MYOM2: variants seen among roughly 807,000 people sequenced by gnomAD.
MYOM2 encodes the protein myomesin-2.
In MYOM2, 254 loss-of-function variants were observed where a neutral mutation model predicts 187.6. The ratio of observed to expected loss-of-function variants is 1.35; its 90% CI spans 1.22 to 1.50. The LOEUF (loss-of-function observed/expected upper bound fraction) is 1.50, where lower values mean the gene tolerates loss of function less well. MYOM2 is among the 40% of genes most tolerant of loss of function. MYOM2 has a pLI of 0.00. For missense variants in MYOM2, 2,796 were observed against 1,924.0 expected (o/e 1.45, Z -8.48); for synonymous variants, 981 against 753.8 (o/e 1.30, Z -4.94).
Position 2,057,414 on chromosome 8 carries a change from C to T in MYOM2, c.330C>T (p.His110=). Residue 110 remains histidine, a synonymous_variant, in exon 4 of 37, where the codon CAC becomes CAT. Coordinates refer to ENST00000262113, the MANE Select transcript of MYOM2 (RefSeq NM_003970.4). ...AGCGCTTCCTCAGCGAGCTGGCCCA[C>T]TTGGAGGAGGATGTCCACCTGGCAC... ...KRQRFLSELA[H]LEEDVHLARS... The T allele has an allele frequency of 2.5e-6, 4 of 1,614,018 alleles. No individual in the cohort carries two copies. Among genetic ancestry groups the T allele is most frequent in the Non-Finnish European group, 2.5e-6 (3 of 1,179,990 alleles).
At position 2,064,226 on chromosome 8, in the gene MYOM2, A is replaced by G. The variant is rs978976180; in HGVS notation, c.653+4981A>G. Among the ~76,000 whole-genome samples the G allele has an allele frequency of 4.6e-5, 7 of 152,288 alleles. No individual in the cohort carries two copies. The South Asian group carries it at 6.2e-4, about 14-fold the overall frequency. Reference sequence around the variant, plus strand: ...GGGGCAAACCCTGGGAGGCAGGGCAAGGGTGCCCTTACCTCCCTCCCAGGG... The same window carrying G: ...GGGGCAAACCCTGGGAGGCAGGGCAGGGGTGCCCTTACCTCCCTCCCAGGG... On this transcript the variant is annotated intron_variant, in intron 6 of 36. Coordinates refer to ENST00000262113, the MANE Select transcript of MYOM2 (RefSeq NM_003970.4).
At chr8:2,131,224 A>T (rs1006862590) in intron 32 of MYOM2, among the ~76,000 whole-genome samples, 1 of 152,192 alleles carries the variant, frequency 6.6e-6, no homozygotes. Flanking sequence ...TTTGTGTTAC[A>T]CGTTCAACAC....
chr8:2,072,300 G>A, intron 8 of MYOM2, 45 bp from the exon 9 acceptor site: 1 of 1,551,058 alleles, frequency 6.4e-7, no homozygotes, highest in East Asian at 2.4e-5. Flanking sequence ...ATCGTTTCAT[G>A]CTCTCTGCCC....
chr8:2,050,262 G>C (rs756025603), intron 1 of MYOM2, among the ~76,000 whole-genome samples: 2 of 152,028 alleles, frequency 1.3e-5, no homozygotes, highest in African/African-American at 2.4e-5. Context: ...CCTGTCCACC[G>C]AGCCTCCTCT....
intron 4 of MYOM2, 27 bp downstream of exon 4, chr8:2,057,513 G>A: frequency 1.2e-6 from 2 of 1,613,738 alleles, no homozygotes; most frequent in Non-Finnish European, 1.7e-6. Flanking sequence ...GTGGCTGGGT[G>A]TCTGGGAAGC....
chr8:2,096,159 C>A, intron 17 of MYOM2, 88 bp from the exon 18 acceptor site: 1 of 1,344,920 alleles, frequency 7.4e-7, no homozygotes, highest in Non-Finnish European at 1.0e-6. Context: ...TTGCTTCCTC[C>A]TCCCTCTGCC....
chr8:2,102,639 C>T (rs769561716), intron 20 of MYOM2, 28 bp from the exon 21 acceptor site: 38 of 1,490,344 alleles, frequency 2.5e-5, no homozygotes, highest in Admixed American at 1.4e-4. Context: ...TACCTCCACA[C>T]ATCTGGTGTT....
intron 15 of MYOM2, among the ~76,000 whole-genome samples, chr8:2,090,792 C>A (rs141101869): frequency 6.6e-6 from 1 of 152,168 alleles, no homozygotes. Flanking sequence ...CTGCAAAGGA[C>A]GTGGTCTTGT....
In MYOM2 at chr8:2,140,898, C is replaced by A. The variant is rs1798252366; in HGVS notation, c.3964+12C>A. The A allele has an allele frequency of 2.5e-6, 4 of 1,591,512 alleles. No individual in the cohort carries two copies. The highest frequency in any genetic ancestry group is 3.4e-6 in the Non-Finnish European group (4 of 1,167,294). ...CCTGTCCGGACAAGGTAAGAGAATT[C>A]TTCTTTAGCATTTAATAATTTCCTA... On this transcript the variant is annotated intron_variant, in intron 33 of 36. Transcript: ENST00000262113.
At chr8:2,119,799 A>T (rs772658033) in intron 28 of MYOM2, among the ~76,000 whole-genome samples, 4 of 151,932 alleles carry the variant, frequency 2.6e-5, no homozygotes, top group Non-Finnish European at 5.9e-5. Context: ...GCTGGCCTGG[A>T]GGGAGATGAG....
At position 2,069,341 on chromosome 8, in the gene MYOM2, C is replaced by T. The variant is rs780409958; in HGVS notation, c.717C>T (p.Ser239=). Residue 239 remains serine, a synonymous_variant, in exon 7 of 37, where the codon TCC becomes TCT. Coordinates refer to ENST00000262113, the MANE Select transcript of MYOM2 (RefSeq NM_003970.4). ...CCACCAATGCCCACGGACAAGTGTC[C>T]ACCAACGCGGCGGTGGTGGTGAGAA... ...AVATNAHGQV[S]TNAAVVVRRF... is the part of the protein sequence containing the mutation. 18 of 1,613,880 alleles carry T rather than the reference C, an allele frequency of 1.1e-5. No homozygotes were observed. Among genetic ancestry groups the T allele is most frequent in the East Asian group, 4.5e-5 (2 of 44,888 alleles).
At position 2,047,835 on chromosome 8, in the gene MYOM2, C is replaced by T. The variant is rs999282096; in HGVS notation, c.-13+2667C>T. Among the ~76,000 whole-genome samples, 47 of 152,182 alleles carry T rather than the reference C, an allele frequency of 3.1e-4. 1 individual carries two copies. The highest frequency in any genetic ancestry group is 3.2e-4 in the Non-Finnish European group (22 of 68,040). The stretch of plus-strand genomic sequence containing the variant: ...TTGCTAAGCACTACAAAGTGTAGCC[C>T]CTCACACATGAAGTGTTTGAAGACT... On this transcript the variant is annotated intron_variant, in intron 1 of 36. Coordinates refer to ENST00000262113, the MANE Select transcript of MYOM2 (RefSeq NM_003970.4).
intron 32 of MYOM2, among the ~76,000 whole-genome samples, chr8:2,133,276 C>G (rs1367596106): frequency 1.3e-5 from 2 of 152,194 alleles, no homozygotes; most frequent in Non-Finnish European, 2.9e-5. Context: ...CAAATATTTC[C>G]TAGCTTTTGG....
intron 27 of MYOM2, among the ~76,000 whole-genome samples, chr8:2,117,092 T>A (rs1797274623): frequency 6.6e-6 from 1 of 152,238 alleles, no homozygotes; most frequent in South Asian, 2.1e-4. Context: ...ATGGGATTTC[T>A]GAACTTCTTG....
rs1357621626 is a variant in MYOM2, at chr8:2,116,283, T to C, written c.3385+8T>C. The C allele has an allele frequency of 3.7e-6, 6 of 1,611,506 alleles. No individual in the cohort carries two copies. Among genetic ancestry groups the C allele is most frequent in the Admixed American group, 3.3e-5 (2 of 59,806 alleles). ...AATTTCTCAGGAAACAAGGTGAGTT[T>C]CCTCACTCTGACCGGCTCCCCTGCC... On this transcript the variant is annotated splice_region_variant and intron_variant, in intron 27 of 36. Coordinates refer to ENST00000262113, the MANE Select transcript of MYOM2 (RefSeq NM_003970.4).
At chr8:2,096,186 C>T in intron 17 of MYOM2, 61 bp from the exon 18 acceptor site, 1 of 1,534,380 alleles carries the variant, frequency 6.5e-7, no homozygotes, top group Non-Finnish European at 8.9e-7. Context: ...GAGCTGGCTG[C>T]CCCGGGGACA....
In MYOM2 at chr8:2,098,584, C is replaced by G. The variant is rs140632522; in HGVS notation, c.2314-273C>G. On this transcript the variant is annotated intron_variant, in intron 18 of 36. Coordinates refer to ENST00000262113, the MANE Select transcript of MYOM2 (RefSeq NM_003970.4). ...TTCCTTACCTGCCGCTGGGGTATCA[C>G]CTGTCCCCTACCCCCGCAGGAGTGG... 2.6e-5 allele frequency among the ~76,000 whole-genome samples: 4 copies of G among 152,294 alleles called. No individual in the cohort carries two copies. The East Asian group carries it at 7.7e-4, about 29-fold the overall frequency.
chr8:2,120,665 TATATATATATTATATTATATATAA>T (rs1366251695), intron 28 of MYOM2, among the ~76,000 whole-genome samples: 200 of 5,400 alleles, frequency 0.037, 37 homozygotes, highest in Admixed American at 0.047. Flanking sequence ...CCTGTATATA[TATATATATATTATATTATATATAA>T]ATATATAATA....
intron 32 of MYOM2, among the ~76,000 whole-genome samples, chr8:2,134,488 G>C (rs983111900): frequency 6.7e-6 from 1 of 149,022 alleles, no homozygotes; most frequent in African/African-American, 2.6e-5. Context: ...TTCAGGACTT[G>C]GCAAGTCTCT....
Sources: allele counts gnomAD v4.1 joint callset (sites outside exome capture counted in the v4.1 genomes callset), GRCh38; gene constraint gnomAD v4.1.1; transcripts MANE v1.5; gene names NCBI Gene and HGNC (gene_info 2026-07-23, HGNC 2026-07-21).